Variants in SPTLC2 observed in about 807,000 individuals in gnomAD.
SPTLC2 encodes the protein serine palmitoyltransferase long chain base subunit 2, also known as serine palmitoyltransferase 2.
Under a neutral mutation model 62.0 loss-of-function variants are expected in SPTLC2, and 21 were observed. The observed-to-expected ratio is 0.34, with a 90% CI of 0.24 to 0.49. The LOEUF (loss-of-function observed/expected upper bound fraction) is 0.49. Ranked by LOEUF, SPTLC2 falls within the 20% of genes least tolerant of loss-of-function variation. The pLI is 0.99. For synonymous variants in SPTLC2, 261 were observed against 261.8 expected (o/e 1.00, Z 0.03); for missense variants, 511 against 713.0 (o/e 0.72, Z 3.23).
In SPTLC2 at chr14:77,555,346, A is replaced by G; in HGVS notation, c.1130T>C (p.Phe377Ser). Residue 377 changes from phenylalanine to serine, a missense_variant, in exon 8 of 12, where the codon TTC (phenylalanine) becomes TCC (serine). By Grantham distance (155) the Phe-to-Ser change is radical. Transcript: ENST00000216484. The part of the protein sequence containing the change: ...PEDVDVMMGT[F>S]TKSFGASGGY... ...TCCAGAAGCACCAAAACTCTTTGTG[A>G]ACGTTCCCATCATAACATCCACATC... 1 of 1,614,106 alleles carries G rather than the reference A, an allele frequency of 6.2e-7. No homozygotes were observed. The highest frequency in any genetic ancestry group is 8.5e-7 in the Non-Finnish European group (1 of 1,180,024).
Position 77,616,443 on chromosome 14 carries a change from C to A in SPTLC2, c.132+5G>T, listed in dbSNP as rs1442394746. The A allele has an allele frequency of 5.4e-6, 8 of 1,473,596 alleles. No homozygotes were observed. The highest frequency in any genetic ancestry group is 1.5e-5 in the African/African-American group (1 of 68,060). The allele number at this position is 1,473,596 out of a possible 1,614,324, so 91.3% of individuals were successfully genotyped here. On this transcript the variant is annotated splice_donor_5th_base_variant and intron_variant, in intron 1 of 11. Coordinates refer to ENST00000216484, the MANE Select transcript of SPTLC2 (RefSeq NM_004863.4). ...CCCCGGCCCCGCCGCGCGGGCCCCT[C>A]GTACCTGGCCGGCGGCGGCTGCGGC...
At chr14:77,585,214 T>C (rs1301074762) in intron 2 of SPTLC2, among the ~76,000 whole-genome samples, 2 of 152,242 alleles carry the variant, frequency 1.3e-5, no homozygotes, top group African/African-American at 2.4e-5. Context: ...CTACCAATAA[T>C]GTGACGATTT....
chr14:77,590,351 A>C (rs1387659350), intron 2 of SPTLC2, among the ~76,000 whole-genome samples: 1 of 152,264 alleles, frequency 6.6e-6, no homozygotes, highest in Non-Finnish European at 1.5e-5. Context: ...AGTAGTAAAC[A>C]AAAAGGTAAT....
chr14:77,519,955 TACA>T, intron 10 of SPTLC2, among the ~76,000 whole-genome samples: 1 of 152,340 alleles, frequency 6.6e-6, no homozygotes, highest in African/African-American at 2.4e-5. Context: ...TTAATGCCTT[TACA>T]ACTTTTATCT....
chr14:77,538,771 A>AT (rs2079484098), intron 9 of SPTLC2, among the ~76,000 whole-genome samples: 1 of 151,970 alleles, frequency 6.6e-6, no homozygotes, highest in South Asian at 2.1e-4. Context: ...GGGTTTCGCC[A>AT]TGTTGCTCAG....
Position 77,507,332 on chromosome 14 carries a change from CT to C in SPTLC2, c.*4951del, listed in dbSNP as rs373479393. The C allele has an allele frequency of 0.011, 1,552 of 138,872 alleles. 17 individuals are homozygous for C. The highest frequency in any genetic ancestry group is 0.032 in the African/African-American group (1,206 of 37,548). 8.6% of individuals were successfully genotyped at this position (138,872 alleles called of 1,614,324 possible). ...GCAATGGCTAGGGGCCTGGGCACACCTTTTTTTTTTTTTTTTGAGACAGAGT... is the reference window on the plus strand; with the variant it reads ...GCAATGGCTAGGGGCCTGGGCACACCTTTTTTTTTTTTTTTGAGACAGAGT... On this transcript the variant is annotated 3_prime_UTR_variant, in exon 12 of 12. Transcript: ENST00000216484.
intron 9 of SPTLC2, among the ~76,000 whole-genome samples, chr14:77,542,211 G>T (rs763627551): frequency 2.0e-5 from 3 of 151,968 alleles, no homozygotes; most frequent in Non-Finnish European, 2.9e-5. Context: ...AGAGTATACT[G>T]GTATTTGAAT....
At chr14:77,563,547 T>A (rs2079626303) in intron 5 of SPTLC2, among the ~76,000 whole-genome samples, 1 of 152,190 alleles carries the variant, frequency 6.6e-6, no homozygotes. Flanking sequence ...TGCCTCAGCG[T>A]CCCAGCTAGC....
intron 1 of SPTLC2, among the ~76,000 whole-genome samples, chr14:77,609,865 A>G (rs2079925809): frequency 6.6e-6 from 1 of 152,162 alleles, no homozygotes; most frequent in Admixed American, 6.6e-5. Context: ...GGGTAACAGT[A>G]ACACCCTGAA....
At chr14:77,540,697 A>T (rs2140008604) in intron 9 of SPTLC2, among the ~76,000 whole-genome samples, 1 of 152,122 alleles carries the variant, frequency 6.6e-6, no homozygotes, top group East Asian at 1.9e-4. Flanking sequence ...CTGGTCTCGA[A>T]CTCCTGACCT....
chr14:77,573,887 C>A (rs2140036922), intron 4 of SPTLC2, among the ~76,000 whole-genome samples: 1 of 152,296 alleles, frequency 6.6e-6, no homozygotes, highest in Non-Finnish European at 1.5e-5. Context: ...CCGCCTTGGC[C>A]TCCCAAAGTG....
intron 2 of SPTLC2, among the ~76,000 whole-genome samples, chr14:77,593,172 T>C (rs1410608828): frequency 1.3e-5 from 2 of 152,102 alleles, no homozygotes; most frequent in African/African-American, 4.8e-5. Context: ...CGTTTTTAAA[T>C]ATCTGATCAT....
intron 9 of SPTLC2, among the ~76,000 whole-genome samples, chr14:77,548,837 G>A (rs1308976479): frequency 1.3e-5 from 2 of 152,174 alleles, no homozygotes; most frequent in Admixed American, 1.3e-4. Context: ...CTTACATGCT[G>A]CAGCTTTTCT....
At chr14:77,616,418 C>G (rs759255519) in intron 1 of SPTLC2, 30 bp downstream of exon 1, 2 of 1,382,606 alleles carry the variant, frequency 1.4e-6, no homozygotes, top group South Asian at 3.0e-5. Flanking sequence ...CACACCGCCA[C>G]CCCGGCCCCG....
At chr14:77,533,864 A>T (rs1245541356) in intron 9 of SPTLC2, among the ~76,000 whole-genome samples, 2 of 152,160 alleles carry the variant, frequency 1.3e-5, no homozygotes, top group Non-Finnish European at 2.9e-5. Context: ...TCTTTCTTTT[A>T]GAATAAATAT....
intron 9 of SPTLC2, among the ~76,000 whole-genome samples, chr14:77,522,645 GAA>G (rs1289897037): frequency 6.6e-6 from 1 of 152,126 alleles, no homozygotes. Context: ...GTCAATCTTT[GAA>G]AAGATATCCA....
chr14:77,558,055 T>C (rs1380155051), intron 6 of SPTLC2, among the ~76,000 whole-genome samples: 1 of 151,880 alleles, frequency 6.6e-6, no homozygotes, highest in Non-Finnish European at 1.5e-5. Context: ...TAAAATCTTT[T>C]TTTTTTTTTT....
intron 2 of SPTLC2, among the ~76,000 whole-genome samples, chr14:77,592,340 G>A (rs964809080): frequency 6.6e-6 from 1 of 151,570 alleles, no homozygotes; most frequent in Non-Finnish European, 1.5e-5. Context: ...TCATCACGTT[G>A]GCCAGGCTGG....
Position 77,511,890 on chromosome 14 carries a change from G to T in SPTLC2, c.*394C>A. On this transcript the variant is annotated 3_prime_UTR_variant, in exon 12 of 12. Coordinates refer to ENST00000216484, the MANE Select transcript of SPTLC2 (RefSeq NM_004863.4). Reference sequence around the variant, plus strand: ...GGGAGGAGGGCCAGGTAAGTATCCAGGCTGCGGAGCCAGGGCCAGCAGTAG... The same window carrying T: ...GGGAGGAGGGCCAGGTAAGTATCCATGCTGCGGAGCCAGGGCCAGCAGTAG... 3.5e-6 allele frequency: 1 copy of T among 287,858 alleles called. No homozygotes were observed. Among genetic ancestry groups the T allele is most frequent in the Non-Finnish European group, 6.8e-6 (1 of 147,934 alleles). 17.8% of individuals were successfully genotyped at this position (287,858 alleles called of 1,614,324 possible). A position where few individuals can be genotyped will look rare whatever the true frequency, so the allele number is the denominator to read the frequency against.
Sources: gnomAD v4.1 joint callset for allele counts (sites outside exome capture counted in the v4.1 genomes callset) on GRCh38, gnomAD v4.1.1 for gene constraint, MANE v1.5 for transcripts, NCBI Gene and HGNC (gene_info 2026-07-23, HGNC 2026-07-21) for gene names.